PEX11B: variants seen among roughly 807,000 people sequenced by gnomAD.
PEX11B encodes peroxisomal membrane protein 11B.
PEX11B carries 18 observed loss-of-function variants against 28.2 expected under a neutral mutation model. The observed-to-expected ratio is 0.64, with a 90% confidence interval of 0.44 to 0.95. The LOEUF is 0.95. Ranked by LOEUF, PEX11B falls within the 40% of genes least tolerant of loss-of-function variation. PEX11B has a pLI of 0.00. For missense variants in PEX11B, 305 were observed against 319.8 expected (o/e 0.95, Z 0.35); for synonymous variants, 128 against 128.7 (o/e 0.99, Z 0.04).
At chr1:145,916,181 T>C (rs1553753869) in intron 3 of PEX11B, among the ~76,000 whole-genome samples, 1 of 152,224 alleles carries the variant, frequency 6.6e-6, no homozygotes, top group Non-Finnish European at 1.5e-5. Context: ...AAGTCTTTCT[T>C]AGTTCAAAGC....
chr1:145,918,020 G>A, intron 1 of PEX11B: 1 of 984,294 alleles, frequency 1.0e-6, no homozygotes, highest in East Asian at 1.1e-4. Context: ...GGGGTGGGGA[G>A]CACTATTGAA....
chr1:145,913,552 A>G (rs1377610523), intron 3 of PEX11B, among the ~76,000 whole-genome samples: 3 of 151,846 alleles, frequency 2.0e-5, no homozygotes, highest in Middle Eastern at 6.8e-3. Flanking sequence ...GCATCATGAA[A>G]TCTTCCAAGG....
At chr1:145,917,909 C>T (rs1647498677) in intron 1 of PEX11B, 93 bp from the exon 2 acceptor site, 1 of 1,397,366 alleles carries the variant, frequency 7.2e-7, no homozygotes, top group African/African-American at 1.4e-5. Context: ...TTCCCCCTTT[C>T]CCAGTTTGAG....
rs782628656 is a variant in PEX11B at position 145,912,352 on chromosome 1, G to A, written c.589C>T (p.Leu197=). The A allele has an allele frequency of 1.2e-6, 2 of 1,613,602 alleles. No individual in the cohort carries two copies. Among genetic ancestry groups the A allele is most frequent in the South Asian group, 1.1e-5 (1 of 90,986 alleles). The change falls in exon 4 of 4, where the codon CTG becomes TTG. Residue 197 remains leucine, a synonymous_variant. Transcript: ENST00000369306. ...GGATGACCTCTAAGGACTCGAGCCA[G>A]GAGCAGGACTTGCAGCCGAAGTTTC... ...ALKLRLQVLL[L]ARVLRGHPPL... is the part of the protein sequence containing the mutation.
At chr1:145,917,887 GCA>G (rs1451143911) in intron 1 of PEX11B, 71 bp from the exon 2 acceptor site, 1 of 1,426,352 alleles carries the variant, frequency 7.0e-7, no homozygotes, top group Non-Finnish European at 9.7e-7. Context: ...CTTCCAAAAG[GCA>G]CAGACAGACT....
chr1:145,913,839 G>A (rs1262854142), intron 3 of PEX11B, among the ~76,000 whole-genome samples: 2 of 152,076 alleles, frequency 1.3e-5, no homozygotes. Flanking sequence ...AATCCAATCT[G>A]ACAATGGTGG....
intron 1 of PEX11B, 40 bp downstream of exon 1, chr1:145,918,593 T>TGCCC: frequency 6.5e-7 from 1 of 1,532,068 alleles, no homozygotes; most frequent in Non-Finnish European, 8.9e-7. Flanking sequence ...CCTCTGTCCA[T>TGCCC]CCCTCCCCCG....
intron 1 of PEX11B, 196 bp from the exon 2 acceptor site, chr1:145,918,012 G>T: frequency 1.0e-6 from 1 of 984,186 alleles, no homozygotes; most frequent in Non-Finnish European, 1.2e-6. Context: ...TCTAGAAAGG[G>T]GTGGGGAGCA....
chr1:145,918,543 C>T lies in PEX11B; in HGVS notation c.56+90G>A, dbSNP rs1464297440. 5.8e-6 allele frequency: 9 copies of T among 1,546,274 alleles called. No individual in the cohort carries two copies. The African/African-American group carries it at 1.1e-4, about 19-fold the overall frequency. ...GTAGCCGGAGTTGACCCTTCTTGAC[C>T]CCCCTGTAGCCTAAACTGACTTCGC... On this transcript the variant is annotated intron_variant, in intron 1 of 3. Coordinates refer to ENST00000369306, the MANE Select transcript of PEX11B (RefSeq NM_003846.3).
At chr1:145,914,824 C>T (rs1647289694) in intron 3 of PEX11B, among the ~76,000 whole-genome samples, 1 of 152,208 alleles carries the variant, frequency 6.6e-6, no homozygotes. Context: ...TTACCAGTAT[C>T]TGATATTTTA....
In PEX11B at chr1:145,914,113, C is replaced by T. The variant is rs1448538713; in HGVS notation, c.375-1547G>A. Among the ~76,000 whole-genome samples the T allele has an allele frequency of 5.3e-5, 8 of 152,126 alleles. 1 individual carries two copies. The highest frequency in any genetic ancestry group is 1.2e-4 in the African/African-American group (5 of 41,428). ...ATGGTTGGCCAGGCGTGGTGGCTCA[C>T]GCCTATAATCCCAGCACTTCGGGAG... is the stretch of plus-strand genomic sequence containing the variant. On this transcript the variant is annotated intron_variant, in intron 3 of 3. Coordinates refer to ENST00000369306, the MANE Select transcript of PEX11B (RefSeq NM_003846.3).
intron 3 of PEX11B, 73 bp downstream of exon 3, chr1:145,916,744 T>C: frequency 9.7e-7 from 1 of 1,030,824 alleles, no homozygotes; most frequent in Non-Finnish European, 1.5e-6. Flanking sequence ...AAGATATCTT[T>C]CCCTCATATA....
intron 3 of PEX11B, among the ~76,000 whole-genome samples, chr1:145,913,288 G>A: frequency 6.6e-6 from 1 of 152,216 alleles, no homozygotes; most frequent in Middle Eastern, 3.4e-3. Context: ...AATCTGCCAG[G>A]AAGGTAGATC....
intron 3 of PEX11B, 27 bp downstream of exon 3, chr1:145,916,790 A>G (rs1366165043): frequency 1.3e-6 from 2 of 1,563,562 alleles, no homozygotes; most frequent in South Asian, 1.1e-5. Flanking sequence ...ACAAAAAAAA[A>G]TCTTAAAGGA....
intron 3 of PEX11B, among the ~76,000 whole-genome samples, chr1:145,913,133 G>A (rs1175820799): frequency 1.3e-5 from 2 of 151,848 alleles, no homozygotes; most frequent in Non-Finnish European, 2.9e-5. Flanking sequence ...AGAATAGAAT[G>A]GGGGTTGCCA....
Position 145,918,651 on chromosome 1 carries a change from G to T in PEX11B, c.38C>A (p.Ala13Asp), listed in dbSNP as rs587762695. The T allele has an allele frequency of 1.9e-6, 3 of 1,594,862 alleles. No individual in the cohort carries two copies. The South Asian group carries it at 3.4e-5, about 18-fold the overall frequency. ...GCCGCACCTACACAGCCGCTCCCGG[G>T]CTTGGCTCTGAGCACTGAAGCGGAC... The part of the protein sequence containing the change: ...AWVRFSAQSQ[A>D]RERLCRAAQY... The change falls in exon 1 of 4, where the codon GCC becomes GAC. Residue 13 changes from alanine (A) to aspartate (D), a missense_variant. Coordinates refer to ENST00000369306, the MANE Select transcript of PEX11B (RefSeq NM_003846.3).
chr1:145,913,391 A>C (rs1657893325), intron 3 of PEX11B, among the ~76,000 whole-genome samples: 1 of 152,216 alleles, frequency 6.6e-6, no homozygotes, highest in South Asian at 2.1e-4. Flanking sequence ...CACAACGTAC[A>C]TGTACAAACA....
At chr1:145,918,232 G>A (rs1647521808) in intron 1 of PEX11B, 1 of 985,456 alleles carries the variant, frequency 1.0e-6, no homozygotes, top group South Asian at 4.7e-5. Context: ...AAACGCCAGG[G>A]CGGAGGCAGG....
intron 3 of PEX11B, 47 bp downstream of exon 3, chr1:145,916,770 T>C: frequency 3.8e-6 from 5 of 1,301,852 alleles, no homozygotes; most frequent in Non-Finnish European, 5.6e-6. Flanking sequence ...AGCTATGCAA[T>C]ATAGAGGCTA....
Sources: gnomAD v4.1 joint callset for allele counts (sites outside exome capture counted in the v4.1 genomes callset) on GRCh38, gnomAD v4.1.1 for gene constraint, MANE v1.5 for transcripts, NCBI Gene and HGNC (gene_info 2026-07-23, HGNC 2026-07-21) for gene names.